ACAD9: variants seen among roughly 807,000 people sequenced by gnomAD.
The protein encoded by ACAD9 is complex I assembly factor ACAD9, mitochondrial.
A neutral mutation model predicts 70.2 loss-of-function variants in ACAD9; 53 were observed. The ratio of observed to expected loss-of-function variants is 0.75; its 90% CI spans 0.61 to 0.95. The LOEUF (loss-of-function observed/expected upper bound fraction) is 0.95. Ranked by LOEUF, ACAD9 falls within the 40% of genes least tolerant of loss-of-function variation. The pLI, the probability that ACAD9 is intolerant of heterozygous loss-of-function variation, is 0.00. For synonymous variants in ACAD9, 313 were observed against 312.1 expected (o/e 1.00, Z -0.03); for missense variants, 777 against 802.8 (o/e 0.97, Z 0.39).
chr3:128,909,488 C>A (rs1009893574), intron 15 of ACAD9, 67 bp downstream of exon 15: 2 of 1,500,540 alleles, frequency 1.3e-6, no homozygotes, highest in Non-Finnish European at 1.8e-6. Context: ...CATGAGACTA[C>A]TTTTTGTCAA....
Position 128,910,742 on chromosome 3 carries a change from T to G in ACAD9, c.1694T>G (p.Val565Gly). 1.2e-6 allele frequency: 2 copies of G among 1,614,244 alleles called. No individual in the cohort carries two copies. The highest frequency in any genetic ancestry group is 1.7e-6 in the Non-Finnish European group (2 of 1,180,044). ...CTTTTCTGTCCTCGGTTCTGGCAGG[T>G]TCTCTTGGCCAACACCTTCTGCGTG... ...RIGLRNHDHE[V>G]LLANTFCVEA... Residue 565 changes from valine (V) to glycine (G), a missense_variant and splice_region_variant, in exon 17 of 18, where the codon GTT (valine) becomes GGT (glycine). Val to Gly is a moderately radical substitution (Grantham distance 109, BLOSUM62 -3). Coordinates refer to ENST00000308982, the MANE Select transcript of ACAD9 (RefSeq NM_014049.5).
At position 128,912,795 on chromosome 3, in the gene ACAD9, T is replaced by C. The variant is rs1371089423; in HGVS notation, c.*188T>C. ...AGGTTTTGACCTGCAGGCAGTGCTC[T>C]CTAACAGGACCATCACAGCTTCTGA... On this transcript the variant is annotated 3_prime_UTR_variant, in exon 18 of 18. Coordinates refer to ENST00000308982, the MANE Select transcript of ACAD9 (RefSeq NM_014049.5). 1.4e-6 allele frequency: 1 copy of C among 735,324 alleles called. No individual in the cohort carries two copies. Among genetic ancestry groups the C allele is most frequent in the East Asian group, 2.6e-5 (1 of 38,536 alleles). 45.5% of individuals were successfully genotyped at this position (735,324 alleles called of 1,614,324 possible).
chr3:128,912,354 G>GAATC (rs1936427774), intron 17 of ACAD9, among the ~76,000 whole-genome samples, 153 bp from the exon 18 acceptor site: 2 of 152,166 alleles, frequency 1.3e-5, no homozygotes, highest in Admixed American at 1.3e-4. Context: ...CTGCAGCCCT[G>GAATC]AATCACTTGC....
intron 12 of ACAD9, among the ~76,000 whole-genome samples, chr3:128,907,027 A>G (rs578258016): frequency 6.6e-6 from 1 of 152,254 alleles, no homozygotes; most frequent in East Asian, 1.9e-4. Flanking sequence ...GCCGGAGACC[A>G]GGGGCTCTCC....
chr3:128,896,258 C>T (rs1935564618), intron 4 of ACAD9, among the ~76,000 whole-genome samples, 178 bp from the exon 5 acceptor site: 1 of 152,274 alleles, frequency 6.6e-6, no homozygotes, highest in African/African-American at 2.4e-5. Flanking sequence ...CATGTGCGCC[C>T]TGACCGTCTC....
chr3:128,893,029 C>T (rs1935466338), intron 2 of ACAD9, among the ~76,000 whole-genome samples: 1 of 152,014 alleles, frequency 6.6e-6, no homozygotes, highest in Non-Finnish European at 1.5e-5. Flanking sequence ...AATAGAACAC[C>T]ACCTAGCTCT....
At chr3:128,904,248 G>A in intron 10 of ACAD9, 116 bp downstream of exon 10, 1 of 1,582,224 alleles carries the variant, frequency 6.3e-7, no homozygotes, top group Non-Finnish European at 8.7e-7. Context: ...GACTAGTTAA[G>A]GCTTTATTTG....
rs63473460 is a variant in ACAD9, at chr3:128,899,523, G to GGTGTGTGTGTGTGTGT, written c.808+87_808+102dup. The GGTGTGTGTGTGTGTGT allele has an allele frequency of 3.8e-4, 407 of 1,068,740 alleles. 3 individuals are homozygous for GGTGTGTGTGTGTGTGT. The highest frequency in any genetic ancestry group is 2.1e-3 in the South Asian group (133 of 62,398). 66.2% of individuals were successfully genotyped at this position (1,068,740 alleles called of 1,614,324 possible). On this transcript the variant is annotated intron_variant, in intron 7 of 17. Transcript: ENST00000308982. ...TGTAAGGGGGAGACTGGCCTTTGAC[G>GGTGTGTGTGTGTGTGT]GTGTGTGTGTGTGTGTGTGTGTGTG...
chr3:128,885,041 A>T (rs1173892713), intron 2 of ACAD9, among the ~76,000 whole-genome samples: 2 of 152,260 alleles, frequency 1.3e-5, no homozygotes, highest in Admixed American at 1.3e-4. Context: ...GATGGCAAAA[A>T]GCCAAGGCCA....
intron 2 of ACAD9, among the ~76,000 whole-genome samples, chr3:128,891,183 T>A (rs1011334617): frequency 4.6e-5 from 7 of 152,186 alleles, no homozygotes; most frequent in African/African-American, 1.7e-4. Context: ...GTTACCCATG[T>A]AGTTACTGAT....
chr3:128,901,176 A>G (rs1935727328), intron 7 of ACAD9, 100 bp from the exon 8 acceptor site: 1 of 1,005,736 alleles, frequency 9.9e-7, no homozygotes, highest in Non-Finnish European at 1.6e-6. Flanking sequence ...CAAACATTGG[A>G]TGGATGGATG....
rs541828510 is a variant in ACAD9, at chr3:128,891,463, A to C, written c.245-2092A>C. On this transcript the variant is annotated intron_variant, in intron 2 of 17. Coordinates refer to ENST00000308982, the MANE Select transcript of ACAD9 (RefSeq NM_014049.5). ...GGGTGAAACCCCGTCTCTACCAAAA[A>C]TACAAAAATTAGCCAGATATGGTGG... 4.6e-5 allele frequency among the ~76,000 whole-genome samples: 7 copies of C among 152,304 alleles called. No homozygotes were observed. The South Asian group carries it at 1.4e-3, about 32-fold the overall frequency.
chr3:128,881,028 A>G (rs1935077114), intron 1 of ACAD9, among the ~76,000 whole-genome samples: 1 of 152,240 alleles, frequency 6.6e-6, no homozygotes, highest in South Asian at 2.1e-4. Context: ...CTGATCCTGT[A>G]TCACAGAAGT....
chr3:128,892,057 T>C (rs1316328706), intron 2 of ACAD9, among the ~76,000 whole-genome samples: 1 of 152,212 alleles, frequency 6.6e-6, no homozygotes, highest in Non-Finnish European at 1.5e-5. Flanking sequence ...AGGTGCCATA[T>C]GGATTCATTT....
At chr3:128,879,953 C>A in intron 1 of ACAD9, 112 bp downstream of exon 1, 1 of 1,578,246 alleles carries the variant, frequency 6.3e-7, no homozygotes, top group East Asian at 2.3e-5. Context: ...AGAGATACAC[C>A]CTGCGGCCGA....
intron 17 of ACAD9, among the ~76,000 whole-genome samples, chr3:128,912,299 A>G (rs1296346244): frequency 3.3e-5 from 5 of 152,146 alleles, no homozygotes; most frequent in Non-Finnish European, 7.4e-5. Context: ...GATGAGCAGG[A>G]TGAGTCCTTT....
intron 2 of ACAD9, among the ~76,000 whole-genome samples, chr3:128,890,512 C>T (rs1935388346): frequency 6.6e-6 from 1 of 151,980 alleles, no homozygotes; most frequent in Non-Finnish European, 1.5e-5. Flanking sequence ...ACCATCCTGG[C>T]TAACATGGTG....
chr3:128,905,997 C>A, intron 11 of ACAD9, 124 bp from the exon 12 acceptor site: 2 of 1,311,922 alleles, frequency 1.5e-6, no homozygotes, highest in Admixed American at 1.7e-5. Context: ...ACCACATCAC[C>A]CCTCAAGTTC....
At chr3:128,908,664 T>G in intron 13 of ACAD9, 1 of 538,386 alleles carries the variant, frequency 1.9e-6, no homozygotes. Context: ...AGGGGCACAG[T>G]AATCCAAAAT....
Sources: allele counts gnomAD v4.1 joint callset (sites outside exome capture counted in the v4.1 genomes callset), GRCh38; gene constraint gnomAD v4.1.1; transcripts MANE v1.5; gene names NCBI Gene and HGNC (gene_info 2026-07-23, HGNC 2026-07-21).